POFUT3: variants seen among roughly 807,000 people sequenced by gnomAD.
The protein encoded by POFUT3 is protein O-fucosyltransferase 3, also known as GDP-fucose protein O-fucosyltransferase 3.
chr8:33,410,644 C>A, the POFUT3 span, among the ~76,000 whole-genome samples: 2 of 152,294 alleles, frequency 1.3e-5, no homozygotes, highest in Non-Finnish European at 2.9e-5. Flanking sequence ...TATGTCACCA[C>A]GTGCCAAATG....
the POFUT3 span, among the ~76,000 whole-genome samples, chr8:33,469,832 G>A: frequency 2.4e-5 from 3 of 122,866 alleles, no homozygotes; most frequent in African/African-American, 6.2e-5. Flanking sequence ...TTGAGATGGA[G>A]TCTCACTCTG....
the POFUT3 span, among the ~76,000 whole-genome samples, chr8:33,439,795 G>A: frequency 2.0e-5 from 3 of 149,994 alleles, no homozygotes; most frequent in South Asian, 4.2e-4. Flanking sequence ...TGAACTCAGA[G>A]GGCGGAGGTT....
At chr8:33,373,347 T>C in the POFUT3 span, among the ~76,000 whole-genome samples, 1 of 152,238 alleles carries the variant, frequency 6.6e-6, no homozygotes, top group Non-Finnish European at 1.5e-5. Flanking sequence ...TCTATCTATG[T>C]TGTCACATAT....
the POFUT3 span, chr8:33,371,149 A>T: frequency 2.6e-5 from 4 of 152,228 alleles, no homozygotes; most frequent in African/African-American, 9.7e-5. Context: ...GGATGCAAAA[A>T]CTAAGGCCGA....
chr8:33,388,781 T>G, the POFUT3 span: 19 of 610,584 alleles, frequency 3.1e-5, no homozygotes, highest in Non-Finnish European at 5.2e-5. Flanking sequence ...GTCCAGGGCT[T>G]GTAAACTTTA....
chr8:33,325,697 T>C, the POFUT3 span, among the ~76,000 whole-genome samples: 1 of 152,188 alleles, frequency 6.6e-6, no homozygotes, highest in Non-Finnish European at 1.5e-5. Context: ...CACCTGCTCC[T>C]TCTTTTTCTA....
chr8:33,312,403 C>A, the POFUT3 span, among the ~76,000 whole-genome samples: 1 of 152,052 alleles, frequency 6.6e-6, no homozygotes, highest in Non-Finnish European at 1.5e-5. Flanking sequence ...CCAGCAATCA[C>A]CAGAATCCAA....
the POFUT3 span, among the ~76,000 whole-genome samples, chr8:33,330,128 A>G: frequency 6.6e-6 from 1 of 152,146 alleles, no homozygotes; most frequent in African/African-American, 2.4e-5. Flanking sequence ...TCTCTTAGAT[A>G]TGGGGTTGAC....
At chr8:33,319,164 T>C in the POFUT3 span, among the ~76,000 whole-genome samples, 314 of 51,680 alleles carry the variant, frequency 6.1e-3, 18 homozygotes, top group Non-Finnish European at 8.4e-3. Flanking sequence ...ATATTTTACA[T>C]ATATTTATAT....
the POFUT3 span, among the ~76,000 whole-genome samples, chr8:33,326,818 C>A: frequency 1.8e-3 from 269 of 152,304 alleles, no homozygotes; most frequent in African/African-American, 5.9e-3. Flanking sequence ...CCCTCTGTGA[C>A]CCAGGGTGGA....
chr8:33,385,072 A>C, the POFUT3 span, among the ~76,000 whole-genome samples: 5,939 of 152,256 alleles, frequency 0.039, 382 homozygotes, highest in African/African-American at 0.13. Context: ...GGGTTTAAGA[A>C]ACCAGTAGTC....
At chr8:33,380,202 C>CTA in the POFUT3 span, among the ~76,000 whole-genome samples, 15 of 37,646 alleles carry the variant, frequency 4.0e-4, no homozygotes, top group African/African-American at 9.9e-4. Flanking sequence ...TATATATATA[C>CTA]TATATATATA....
the POFUT3 span, among the ~76,000 whole-genome samples, chr8:33,329,820 G>A: frequency 6.6e-6 from 1 of 152,152 alleles, no homozygotes; most frequent in African/African-American, 2.4e-5. Context: ...GAACATTTTA[G>A]TTACTTTCTG....
the POFUT3 span, among the ~76,000 whole-genome samples, chr8:33,439,398 G>A: frequency 2.0e-5 from 3 of 152,120 alleles, no homozygotes; most frequent in Admixed American, 2.0e-4. Flanking sequence ...GTAAGACTTA[G>A]TCTCAAAAAA....
At chr8:33,334,619 C>A in the POFUT3 span, among the ~76,000 whole-genome samples, 4 of 152,322 alleles carry the variant, frequency 2.6e-5, no homozygotes, top group East Asian at 7.7e-4. Flanking sequence ...GGTCCATGAG[C>A]CACACTTAGA....
At chr8:33,327,072 C>G in the POFUT3 span, among the ~76,000 whole-genome samples, 2 of 152,166 alleles carry the variant, frequency 1.3e-5, no homozygotes, top group African/African-American at 2.4e-5. Flanking sequence ...ACCACTGCGC[C>G]CACTCCTGCC....
chr8:33,358,689 A>G, the POFUT3 span, among the ~76,000 whole-genome samples: 1 of 152,100 alleles, frequency 6.6e-6, no homozygotes, highest in South Asian at 2.1e-4. Context: ...GCTCTCATGA[A>G]TGGGATTAGT....
the POFUT3 span, among the ~76,000 whole-genome samples, chr8:33,403,461 A>C: frequency 6.6e-6 from 1 of 152,184 alleles, no homozygotes; most frequent in Non-Finnish European, 1.5e-5. Flanking sequence ...CACACCTGTA[A>C]TCCCAGTACT....
chr8:33,452,282 G>A, the POFUT3 span: 1 of 152,066 alleles, frequency 6.6e-6, no homozygotes, highest in South Asian at 2.1e-4. Context: ...CTGTAACTTA[G>A]TTTTGAGGTT....
Sources: allele counts gnomAD v4.1 joint callset (sites outside exome capture counted in the v4.1 genomes callset), GRCh38; gene constraint gnomAD v4.1.1; transcripts MANE v1.5; gene names NCBI Gene and HGNC (gene_info 2026-07-23, HGNC 2026-07-21).